The following SCAI variants were observed in gnomAD, a reference collection of about 807,000 sequenced individuals.
SCAI encodes protein SCAI.
Under a neutral mutation model 92.2 loss-of-function variants are expected in SCAI, and 24 were observed. The ratio of observed to expected loss-of-function variants is 0.26; its 90% CI spans 0.19 to 0.37. SCAI has a LOEUF of 0.37. Ranked by LOEUF, SCAI falls within the 10% of genes least tolerant of loss-of-function variation. The probability of loss-of-function intolerance (pLI) is 1.00; values close to 1 mark genes in which losing one functional copy is unlikely to be tolerated. For missense variants in SCAI, 450 were observed against 736.2 expected (o/e 0.61, Z 4.50); for synonymous variants, 261 against 258.6 (o/e 1.01, Z -0.09).
At chr9:124,977,391 T>G (rs900057098) in intron 14 of SCAI, among the ~76,000 whole-genome samples, 1 of 135,700 alleles carries the variant, frequency 7.4e-6, no homozygotes, top group Non-Finnish European at 1.7e-5. Context: ...ACTTTACACC[T>G]CAGTGAGGCC....
At chr9:124,967,031 T>G (rs1441477233) in intron 17 of SCAI, among the ~76,000 whole-genome samples, 1 of 151,184 alleles carries the variant, frequency 6.6e-6, no homozygotes, top group East Asian at 1.9e-4. Context: ...AGTAAGAAAA[T>G]AATATAACAT....
chr9:125,007,544 G>A (rs1832536325), intron 9 of SCAI, among the ~76,000 whole-genome samples: 1 of 152,088 alleles, frequency 6.6e-6, no homozygotes. Flanking sequence ...AACATTTTTG[G>A]AAGGCTGAGG....
intron 2 of SCAI, among the ~76,000 whole-genome samples, chr9:125,138,831 G>C (rs981395077): frequency 1.3e-5 from 2 of 152,184 alleles, no homozygotes; most frequent in Non-Finnish European, 2.9e-5. Context: ...TTACGGGCGT[G>C]AGCCACCACG....
intron 2 of SCAI, among the ~76,000 whole-genome samples, chr9:125,062,323 C>T (rs1474368872): frequency 6.6e-6 from 1 of 151,392 alleles, no homozygotes; most frequent in African/African-American, 2.4e-5. Flanking sequence ...ACATGGTCTC[C>T]CCATGTTGCC....
chr9:124,955,166 TAA>T (rs58659477), intron 17 of SCAI, among the ~76,000 whole-genome samples: 10 of 111,208 alleles, frequency 9.0e-5, no homozygotes, highest in Admixed American at 2.9e-4. Context: ...AGACTCCGTC[TAA>T]AAAAAAAAAA....
At chr9:125,003,001 T>C (rs1392694940) in intron 11 of SCAI, 113 bp downstream of exon 11, 2 of 683,234 alleles carry the variant, frequency 2.9e-6, no homozygotes, top group Non-Finnish European at 5.1e-6. Flanking sequence ...AAAGGCAGTT[T>C]TTCATTTTTA....
intron 2 of SCAI, among the ~76,000 whole-genome samples, chr9:125,084,354 T>G (rs1834284401): frequency 6.6e-6 from 1 of 151,980 alleles, no homozygotes; most frequent in South Asian, 2.1e-4. Flanking sequence ...GTATTTTTAG[T>G]AGAGACGGGG....
Position 125,026,235 on chromosome 9 carries a change from G to T in SCAI, c.512+577C>A, listed in dbSNP as rs866833975. On this transcript the variant is annotated intron_variant, in intron 6 of 17. Coordinates refer to ENST00000336505, the MANE Select transcript of SCAI (RefSeq NM_001144877.3). ...AAAAATACAAAAAAATTAGCCGGGG[G>T]TGGTGACACAAGCCTGTAATCCCAG... is the stretch of plus-strand genomic sequence containing the variant. Among the ~76,000 whole-genome samples, 4 of 152,094 alleles carry T rather than the reference G, an allele frequency of 2.6e-5. No homozygotes were observed. In the East Asian group the frequency reaches 5.8e-4, roughly 22 times the overall value.
intron 2 of SCAI, among the ~76,000 whole-genome samples, chr9:125,063,321 G>A (rs1191481231): frequency 6.6e-6 from 1 of 150,510 alleles, no homozygotes; most frequent in Admixed American, 6.7e-5. Context: ...AGGTTGCAGT[G>A]AGCCAAGATC....
chr9:125,126,791 C>A (rs918903825), intron 2 of SCAI, among the ~76,000 whole-genome samples: 2 of 152,146 alleles, frequency 1.3e-5, no homozygotes, highest in Non-Finnish European at 2.9e-5. Context: ...ATCATTAAGT[C>A]CCACTACAGG....
rs183040374 is a variant in SCAI at position 124,961,376 on chromosome 9, G to A, written c.1675-8423C>T. Among the ~76,000 whole-genome samples, 23 of 152,058 alleles carry A rather than the reference G, an allele frequency of 1.5e-4. No homozygotes were observed. The East Asian group carries it at 3.5e-3, about 23-fold the overall frequency. On this transcript the variant is annotated intron_variant, in intron 17 of 17. Coordinates refer to ENST00000336505, the MANE Select transcript of SCAI (RefSeq NM_001144877.3). The stretch of plus-strand genomic sequence containing the variant: ...ATTAAAAAATAAGATGGTGTCAGGC[G>A]TGGTGGCTCATCCCTGTAATCCTAG...
intron 2 of SCAI, among the ~76,000 whole-genome samples, chr9:125,088,912 T>C (rs1293360921): frequency 1.3e-5 from 2 of 152,198 alleles, no homozygotes; most frequent in Non-Finnish European, 2.9e-5. Flanking sequence ...GTAGAGTGTT[T>C]AGCGGCATCC....
At chr9:125,126,429 G>A (rs1249840905) in intron 2 of SCAI, among the ~76,000 whole-genome samples, 1 of 152,120 alleles carries the variant, frequency 6.6e-6, no homozygotes, top group African/African-American at 2.4e-5. Context: ...GTGTGAGAGA[G>A]AGAGAGAACA....
At chr9:124,964,860 T>C (rs897799806) in intron 17 of SCAI, among the ~76,000 whole-genome samples, 1 of 152,236 alleles carries the variant, frequency 6.6e-6, no homozygotes, top group Non-Finnish European at 1.5e-5. Flanking sequence ...TCTGTCAAGG[T>C]GCATTAGCAG....
intron 9 of SCAI, among the ~76,000 whole-genome samples, chr9:125,008,011 A>T (rs746830493): frequency 6.7e-6 from 1 of 150,228 alleles, no homozygotes; most frequent in East Asian, 2.0e-4. Context: ...ATGCCCGGCT[A>T]ATTTTTTGTA....
chr9:125,041,465 G>C (rs1833317581), intron 3 of SCAI, among the ~76,000 whole-genome samples: 1 of 152,168 alleles, frequency 6.6e-6, no homozygotes, highest in Non-Finnish European at 1.5e-5. Flanking sequence ...ACTATCTAAA[G>C]TCTTTAGGCA....
At chr9:125,128,436 A>G (rs1308588004) in intron 2 of SCAI, among the ~76,000 whole-genome samples, 1 of 152,162 alleles carries the variant, frequency 6.6e-6, no homozygotes, top group Non-Finnish European at 1.5e-5. Flanking sequence ...CCTGGCCAAC[A>G]TGGTGAAACC....
intron 2 of SCAI, among the ~76,000 whole-genome samples, chr9:125,057,197 G>A (rs1289547113): frequency 1.3e-5 from 2 of 152,118 alleles, no homozygotes; most frequent in African/African-American, 4.8e-5. Flanking sequence ...TTAATAGATG[G>A]ACTGAAGAAC....
At chr9:125,137,433 G>A (rs1835563030) in intron 2 of SCAI, among the ~76,000 whole-genome samples, 2 of 152,120 alleles carry the variant, frequency 1.3e-5, no homozygotes, top group South Asian at 2.1e-4. Context: ...TAGCTGCTGG[G>A]GATAAACAGT....
Sources: allele counts gnomAD v4.1 joint callset (sites outside exome capture counted in the v4.1 genomes callset), GRCh38; gene constraint gnomAD v4.1.1; transcripts MANE v1.5; gene names NCBI Gene and HGNC (gene_info 2026-07-23, HGNC 2026-07-21).